DCBLD2: variants seen among roughly 807,000 people sequenced by gnomAD.
DCBLD2 encodes discoidin, CUB and LCCL domain-containing protein 2.
A neutral mutation model predicts 86.8 loss-of-function variants in DCBLD2; 54 were observed. The observed-to-expected ratio is 0.62, with a 90% CI of 0.50 to 0.78. The LOEUF (loss-of-function observed/expected upper bound fraction) is 0.78, where lower values mean the gene tolerates loss of function less well. DCBLD2 is among the 30% of genes least tolerant of loss of function. The probability of loss-of-function intolerance (pLI) is 0.00; values close to 1 mark genes in which losing one functional copy is unlikely to be tolerated. For synonymous variants in DCBLD2, 354 were observed against 341.3 expected, an observed-to-expected ratio of 1.04 and a Z score of -0.41; for missense variants, 908 against 954.2, an observed-to-expected ratio of 0.95 and a Z score of 0.64.
Position 98,799,139 on chromosome 3 carries a change from A to G in DCBLD2, c.*233T>C, listed in dbSNP as rs1941667523. ...TTTTCTGTATTAAAAATAGTGTTCT[A>G]CAGTAGTATCAAACAGGACATTTGA... On this transcript the variant is annotated 3_prime_UTR_variant, in exon 16 of 16. Transcript: ENST00000326840. 6.6e-6 allele frequency: 3 copies of G among 457,778 alleles called. No homozygotes were observed. Among genetic ancestry groups the G allele is most frequent in the Non-Finnish European group, 7.8e-6 (2 of 256,842 alleles). 28.4% of individuals were successfully genotyped at this position (457,778 alleles called of 1,614,324 possible). A position where few individuals can be genotyped will look rare whatever the true frequency, so the allele number is the denominator to read the frequency against.
At position 98,801,863 on chromosome 3, in the gene DCBLD2, T is replaced by C. The variant is rs958172052; in HGVS notation, c.1671-214A>G. On this transcript the variant is annotated intron_variant, in intron 13 of 15. Coordinates refer to ENST00000326840, the MANE Select transcript of DCBLD2 (RefSeq NM_080927.4). ...GAATGATGGTTTCCAGCTTCATCCATGTCACTACAAAGGACAGGAACTCAT... is the reference window on the plus strand; with the variant it reads ...GAATGATGGTTTCCAGCTTCATCCACGTCACTACAAAGGACAGGAACTCAT... 2.9e-4 allele frequency: 132 copies of C among 457,780 alleles called. 2 individuals are homozygous for C. Among genetic ancestry groups the C allele is most frequent in the Middle Eastern group, 6.0e-4 (1 of 1,676 alleles). 28.4% of individuals were successfully genotyped at this position (457,780 alleles called of 1,614,324 possible). A position where few individuals can be genotyped will look rare whatever the true frequency, so the allele number is the denominator to read the frequency against.
At chr3:98,834,492 ATTC>A (rs1942391354) in intron 3 of DCBLD2, among the ~76,000 whole-genome samples, 1 of 152,084 alleles carries the variant, frequency 6.6e-6, no homozygotes, top group African/African-American at 2.4e-5. Context: ...CCACCAGTCT[ATTC>A]TCTAACTTCA....
At chr3:98,854,243 C>T (rs1384936923) in intron 2 of DCBLD2, among the ~76,000 whole-genome samples, 2 of 152,144 alleles carry the variant, frequency 1.3e-5, no homozygotes, top group African/African-American at 4.8e-5. Context: ...ACCATAGATG[C>T]TATCATTAAA....
intron 3 of DCBLD2, among the ~76,000 whole-genome samples, chr3:98,835,938 C>CTTTCTTTTTTTTTTTTTTT (rs56279917): frequency 8.7e-6 from 1 of 115,042 alleles, no homozygotes; most frequent in Non-Finnish European, 1.8e-5. Flanking sequence ...TCCTTTCTTT[C>CTTTCTTTTTTTTTTTTTTT]TTTTTTTTTT....
At chr3:98,822,539 A>C (rs1942142361) in intron 5 of DCBLD2, 130 bp downstream of exon 5, 1 of 1,231,940 alleles carries the variant, frequency 8.1e-7, no homozygotes, top group Middle Eastern at 2.2e-4. Flanking sequence ...AGAATAAAAC[A>C]CATATGATTA....
At chr3:98,839,800 T>C (rs1309563526) in intron 3 of DCBLD2, among the ~76,000 whole-genome samples, 1 of 152,232 alleles carries the variant, frequency 6.6e-6, no homozygotes, top group Non-Finnish European at 1.5e-5. Flanking sequence ...ATGTGTATTG[T>C]ACTTTAGAAA....
At chr3:98,836,635 C>A (rs1393083916) in intron 3 of DCBLD2, among the ~76,000 whole-genome samples, 1 of 136,068 alleles carries the variant, frequency 7.3e-6, no homozygotes, top group Non-Finnish European at 1.6e-5. Flanking sequence ...GGCGGCTGGC[C>A]GGGCAGAGGG....
At chr3:98,859,404 T>C (rs777236468) in intron 2 of DCBLD2, among the ~76,000 whole-genome samples, 2 of 152,180 alleles carry the variant, frequency 1.3e-5, no homozygotes, top group African/African-American at 2.4e-5. Flanking sequence ...GAGTCTGAGA[T>C]CTGAGAACAG....
chr3:98,859,019 T>C (rs1336621125), intron 2 of DCBLD2, among the ~76,000 whole-genome samples: 4 of 152,128 alleles, frequency 2.6e-5, no homozygotes, highest in Non-Finnish European at 5.9e-5. Context: ...TCGGGTCACT[T>C]CTGCCCTAAT....
At chr3:98,848,842 A>ATT (rs1191064487) in intron 3 of DCBLD2, among the ~76,000 whole-genome samples, 1 of 152,198 alleles carries the variant, frequency 6.6e-6, no homozygotes, top group Admixed American at 6.5e-5. Context: ...TTTTAAATTG[A>ATT]TATAAAACAT....
At chr3:98,801,441 A>T in intron 14 of DCBLD2, 159 bp downstream of exon 14, 1 of 487,686 alleles carries the variant, frequency 2.1e-6, no homozygotes, top group Non-Finnish European at 3.6e-6. Context: ...GAGACTTTGC[A>T]GAAGGGTAAA....
intron 2 of DCBLD2, 46 bp from the exon 3 acceptor site, chr3:98,849,644 G>A (rs1160147294): frequency 3.2e-6 from 5 of 1,581,998 alleles, no homozygotes; most frequent in Non-Finnish European, 4.3e-6. Context: ...CTCTCATGAA[G>A]TCAATAATAT....
chr3:98,802,400 GTTGT>G (rs910810329), intron 13 of DCBLD2, among the ~76,000 whole-genome samples: 113 of 152,142 alleles, frequency 7.4e-4, no homozygotes, highest in African/African-American at 2.6e-3. Context: ...TGTTGATGGG[GTTGT>G]TTTTTTTTCT....
chr3:98,821,862 A>G (rs1469900952), intron 6 of DCBLD2, among the ~76,000 whole-genome samples: 5 of 152,130 alleles, frequency 3.3e-5, no homozygotes, highest in South Asian at 2.1e-4. Flanking sequence ...CCTGGCCAAC[A>G]TGGTGAAACC....
chr3:98,896,903 A>G (rs1248327135), intron 1 of DCBLD2, among the ~76,000 whole-genome samples: 2 of 152,174 alleles, frequency 1.3e-5, no homozygotes, highest in African/African-American at 2.4e-5. Flanking sequence ...TATATCAAGA[A>G]GTGGAAGCAG....
At chr3:98,839,303 CGAGTT>C (rs1417945965) in intron 3 of DCBLD2, among the ~76,000 whole-genome samples, 3 of 151,134 alleles carry the variant, frequency 2.0e-5, no homozygotes, top group Non-Finnish European at 4.4e-5. Flanking sequence ...GGAATGCAGT[CGAGTT>C]GTTTTCTTGA....
intron 3 of DCBLD2, among the ~76,000 whole-genome samples, chr3:98,831,160 C>G (rs1942313743): frequency 6.6e-6 from 1 of 151,386 alleles, no homozygotes; most frequent in Non-Finnish European, 1.5e-5. Context: ...CAACCTCCGC[C>G]TCCCGGGTAG....
chr3:98,857,248 G>C (rs571803425), intron 2 of DCBLD2, among the ~76,000 whole-genome samples: 1 of 152,290 alleles, frequency 6.6e-6, no homozygotes, highest in South Asian at 2.1e-4. Flanking sequence ...AGACCTTTGC[G>C]GTGAGTGTTA....
intron 1 of DCBLD2, chr3:98,900,699 G>A (rs1174826642): frequency 1.0e-5 from 2 of 195,380 alleles, no homozygotes; most frequent in African/African-American, 4.8e-5. Context: ...CTTTCACAAA[G>A]GATCATAATT....
Sources: allele counts gnomAD v4.1 joint callset (sites outside exome capture counted in the v4.1 genomes callset), GRCh38; gene constraint gnomAD v4.1.1; transcripts MANE v1.5; gene names NCBI Gene and HGNC (gene_info 2026-07-23, HGNC 2026-07-21).